NFIB: variants seen among roughly 807,000 people sequenced by gnomAD.
The protein encoded by NFIB is nuclear factor 1 B-type.
Under a neutral mutation model 61.5 loss-of-function variants are expected in NFIB, and 11 were observed. That is an observed-to-expected ratio of 0.18 (90% CI 0.11 to 0.30). The LOEUF is 0.30. NFIB is among the 10% of genes least tolerant of loss of function. The pLI, the probability that NFIB is intolerant of heterozygous loss-of-function variation, is 1.00. For synonymous variants in NFIB, 260 were observed against 216.5 expected, an observed-to-expected ratio of 1.20 and a Z score of -1.76; for missense variants, 471 against 608.9, an observed-to-expected ratio of 0.77 and a Z score of 2.38.
At chr9:14,458,157 A>G in the NFIB span, among the ~76,000 whole-genome samples, 1 of 152,076 alleles carries the variant, frequency 6.6e-6, no homozygotes, top group African/African-American at 2.4e-5. Flanking sequence ...CACATCAAAA[A>G]CTTATCCACC....
intron 2 of NFIB, among the ~76,000 whole-genome samples, chr9:14,184,004 C>T (rs1169142006): frequency 6.6e-6 from 1 of 152,338 alleles, no homozygotes; most frequent in South Asian, 2.1e-4. Flanking sequence ...AGAAAAGGTT[C>T]ACATTCATGC....
chr9:14,358,111 C>T lies in NFIB; in HGVS notation c.108+40413G>A, dbSNP rs534469130. 2.0e-5 allele frequency among the ~76,000 whole-genome samples: 3 copies of T among 151,968 alleles called. No individual in the cohort carries two copies. The East Asian group carries it at 5.8e-4, about 29-fold the overall frequency. On this transcript the variant is annotated intron_variant, in intron 1 of 8. Transcript: ENST00000380934. ...TTTGTGATTTTGTTAAAAACCATTGCATTTTGCCCTTTAAATGGATGAATT... is the reference window on the plus strand; with the variant it reads ...TTTGTGATTTTGTTAAAAACCATTGTATTTTGCCCTTTAAATGGATGAATT...
intron 2 of NFIB, among the ~76,000 whole-genome samples, chr9:14,224,809 T>C (rs2052162711): frequency 6.6e-6 from 1 of 152,242 alleles, no homozygotes; most frequent in African/African-American, 2.4e-5. Flanking sequence ...TTTTCCATTG[T>C]CGTATTTTCT....
At chr9:14,145,650 C>CT (rs34440136) in intron 6 of NFIB, among the ~76,000 whole-genome samples, 4,674 of 125,896 alleles carry the variant, frequency 0.037, 223 homozygotes, top group African/African-American at 0.11. Context: ...TTCTTTTAGA[C>CT]TTTTTTTTTT....
chr9:14,516,486 G>A, the NFIB span, among the ~76,000 whole-genome samples: 9 of 152,082 alleles, frequency 5.9e-5, no homozygotes, highest in African/African-American at 1.7e-4. Flanking sequence ...AAAAGGCTTG[G>A]TTCTTTCTGA....
the NFIB span, among the ~76,000 whole-genome samples, chr9:14,510,097 T>C: frequency 6.6e-6 from 1 of 152,158 alleles, no homozygotes; most frequent in Non-Finnish European, 1.5e-5. Flanking sequence ...GATTTCACCA[T>C]ATTGGCCAGG....
intron 1 of NFIB, among the ~76,000 whole-genome samples, chr9:14,390,170 A>G (rs1015697132): frequency 1.3e-5 from 2 of 152,188 alleles, no homozygotes; most frequent in South Asian, 2.1e-4. Flanking sequence ...CCCCAAAGGA[A>G]AAAAAGGCAA....
chr9:14,088,708 T>C (rs1000525729), intron 10 of NFIB, among the ~76,000 whole-genome samples: 2 of 152,198 alleles, frequency 1.3e-5, no homozygotes, highest in Non-Finnish European at 2.9e-5. Context: ...GGTACCAATA[T>C]ACTTTGCCAG....
At chr9:14,121,276 AAAAC>A (rs2038898478) in intron 7 of NFIB, among the ~76,000 whole-genome samples, 1 of 152,194 alleles carries the variant, frequency 6.6e-6, no homozygotes, top group Non-Finnish European at 1.5e-5. Flanking sequence ...AAACAAACAA[AAAAC>A]ATTTTGTCTC....
chr9:14,423,497 G>A, the NFIB span, among the ~76,000 whole-genome samples: 4 of 152,148 alleles, frequency 2.6e-5, no homozygotes, highest in East Asian at 7.7e-4. Flanking sequence ...GCGTGACATC[G>A]AGCCTCTTCT....
upstream of NFIB, among the ~76,000 whole-genome samples, chr9:14,318,795 G>A (rs2060599099): frequency 6.6e-6 from 1 of 151,982 alleles, no homozygotes. Context: ...ACTCATAAAT[G>A]CATATATAAA....
At chr9:14,327,972 A>G (rs1438520829) in intron 1 of NFIB, among the ~76,000 whole-genome samples, 1 of 152,218 alleles carries the variant, frequency 6.6e-6, no homozygotes, top group African/African-American at 2.4e-5. Context: ...AAATTCAGGC[A>G]CATAGAATTT....
chr9:14,104,816 T>G (rs952303000), intron 10 of NFIB, among the ~76,000 whole-genome samples: 1 of 152,138 alleles, frequency 6.6e-6, no homozygotes, highest in Non-Finnish European at 1.5e-5. Context: ...AATGCTAGTT[T>G]TGAATCAAAC....
the NFIB span, among the ~76,000 whole-genome samples, chr9:14,405,953 T>C: frequency 3.9e-5 from 6 of 152,214 alleles, no homozygotes; most frequent in Non-Finnish European, 5.9e-5. Flanking sequence ...ATTAGAAATC[T>C]ACTAGGTTTT....
intron 2 of NFIB, among the ~76,000 whole-genome samples, chr9:14,184,274 A>C (rs978223881): frequency 6.6e-6 from 1 of 152,242 alleles, no homozygotes; most frequent in African/African-American, 2.4e-5. Flanking sequence ...CAATCCTAAA[A>C]TAATGCGAAG....
At chr9:14,128,020 T>G (rs1298977318) in intron 6 of NFIB, among the ~76,000 whole-genome samples, 1 of 150,814 alleles carries the variant, frequency 6.6e-6, no homozygotes, top group Non-Finnish European at 1.5e-5. Flanking sequence ...ATTTAAACCA[T>G]GGTTTAAAAA....
At chr9:14,312,630 G>C (rs1387372406) in intron 1 of NFIB, among the ~76,000 whole-genome samples, 1 of 152,112 alleles carries the variant, frequency 6.6e-6, no homozygotes, top group East Asian at 1.9e-4. Flanking sequence ...GATACAAATC[G>C]TGTTTCTAAA....
intron 2 of NFIB, among the ~76,000 whole-genome samples, chr9:14,217,999 G>A (rs2051152344): frequency 6.6e-6 from 1 of 152,150 alleles, no homozygotes; most frequent in Non-Finnish European, 1.5e-5. Flanking sequence ...TGCCAGTAAA[G>A]CTGTACTTTC....
chr9:14,209,057 G>C (rs896813599), intron 2 of NFIB, among the ~76,000 whole-genome samples: 4 of 152,132 alleles, frequency 2.6e-5, no homozygotes, highest in Non-Finnish European at 4.4e-5. Context: ...TTTCTTACAT[G>C]ATCTACAGCA....
Sources: allele counts gnomAD v4.1 joint callset (sites outside exome capture counted in the v4.1 genomes callset), GRCh38; gene constraint gnomAD v4.1.1; transcripts MANE v1.5; gene names NCBI Gene and HGNC (gene_info 2026-07-23, HGNC 2026-07-21).